XIAP: variants seen among roughly 807,000 people sequenced by gnomAD.
The protein encoded by XIAP is E3 ubiquitin-protein ligase XIAP.
A neutral mutation model predicts 33.1 loss-of-function variants in XIAP; 3 were observed. The ratio of observed to expected loss-of-function variants is 0.09; its 90% confidence interval spans 0.04 to 0.23. XIAP has a LOEUF of 0.23. Among genes scored for constraint, XIAP ranks in the 10% least tolerant of loss-of-function variants. The pLI is 1.00. For missense variants in XIAP, 264 were observed against 363.0 expected, an observed-to-expected ratio of 0.73 and a Z score of 2.22; for synonymous variants, 98 against 121.3, an observed-to-expected ratio of 0.81 and a Z score of 1.26.
At chrX:123,894,396 G>A (rs765212566) in intron 5 of XIAP, among the ~76,000 whole-genome samples, 1 of 112,420 alleles carries the variant, frequency 8.9e-6, no homozygotes, top group Admixed American at 9.5e-5. Flanking sequence ...TATTTCAAAA[G>A]TAGTAGAAAG....
intron 1 of XIAP, among the ~76,000 whole-genome samples, chrX:123,877,739 T>C (rs1282703023): frequency 2.7e-5 from 3 of 111,219 alleles, no homozygotes; most frequent in Non-Finnish European, 5.7e-5. Context: ...TTTGGGAGGC[T>C]GAGGCGGGTG....
At chrX:123,893,672 C>G (rs2148098889) in intron 5 of XIAP, among the ~76,000 whole-genome samples, 1 of 111,817 alleles carries the variant, frequency 8.9e-6, no homozygotes, top group Non-Finnish European at 1.9e-5. Flanking sequence ...GAAACCCCAT[C>G]TCTACTAAAA....
At chrX:123,906,162 T>A (rs1026125048) in intron 6 of XIAP, among the ~76,000 whole-genome samples, 4 of 112,688 alleles carry the variant, frequency 3.5e-5, no homozygotes, top group African/African-American at 9.7e-5. Flanking sequence ...ATGAAACACA[T>A]GTTTTGTGGC....
At chrX:123,906,887 GTTGGGTGC>G in intron 6 of XIAP, 93 bp from the exon 7 acceptor site, 1 of 1,004,531 alleles carries the variant, frequency 1.0e-6, no homozygotes, top group Admixed American at 2.4e-5. Flanking sequence ...CCCGGCACTT[GTTGGGTGC>G]TTGGCACGTA....
At chrX:123,900,429 G>C (rs1162735800) in intron 5 of XIAP, 64 bp from the exon 6 acceptor site, 32 of 991,696 alleles carry the variant, frequency 3.2e-5, no homozygotes, top group Non-Finnish European at 4.5e-5. Flanking sequence ...TTGCTATTGA[G>C]TTGTGATAAT....
chrX:123,910,063 C>G lies in XIAP; in HGVS notation c.*2882C>G. On this transcript the variant is annotated 3_prime_UTR_variant, in exon 7 of 7. Coordinates refer to ENST00000371199, the MANE Select transcript of XIAP (RefSeq NM_001167.4). Reference sequence around the variant, plus strand: ...GTCACCACTTATTTTACATTTTAGTCATGCAAAGATTCAAGTAGTTTTGCA... The same window carrying G: ...GTCACCACTTATTTTACATTTTAGTGATGCAAAGATTCAAGTAGTTTTGCA... 1 of 328,541 alleles carries G rather than the reference C, an allele frequency of 3.0e-6. No individual in the cohort carries two copies. The highest frequency in any genetic ancestry group is 5.9e-6 in the Non-Finnish European group (1 of 169,628). The allele number at this position is 328,541 out of a possible 1,213,427, so 27.1% of individuals were successfully genotyped here. A position where few individuals can be genotyped will look rare whatever the true frequency, so the allele number is the denominator to read the frequency against.
intron 5 of XIAP, among the ~76,000 whole-genome samples, chrX:123,894,807 G>T (rs1306152677): frequency 1.8e-5 from 2 of 109,040 alleles, no homozygotes; most frequent in Non-Finnish European, 3.8e-5. Flanking sequence ...ACCAGGGCGT[G>T]GTGGCACACA....
chrX:123,886,680 G>A (rs763721759), intron 2 of XIAP, 141 bp downstream of exon 2: 4 of 641,137 alleles, frequency 6.2e-6, no homozygotes, highest in South Asian at 6.1e-5. Context: ...GTATTATTCC[G>A]TGAACTCTTA....
In XIAP at chrX:123,900,563, G is replaced by C; in HGVS notation, c.1170G>C (p.Lys390Asn). The C allele has an allele frequency of 8.3e-7, 1 of 1,210,827 alleles. No homozygotes were observed. Among genetic ancestry groups the C allele is most frequent in the Non-Finnish European group, 1.1e-6 (1 of 894,828 alleles). The stretch of plus-strand genomic sequence containing the variant: ...TGGGGTTCAGTTTCAAGGACATTAA[G>C]AAAATAATGGAGGAAAAAATTCAGA... ...IRMGFSFKDI[K>N]KIMEEKIQIS... The change falls in exon 6 of 7, where the codon AAG (lysine) becomes AAC (asparagine). Residue 390 changes from lysine (K) to asparagine (N), a missense_variant. Lys to Asn is a moderately conservative substitution (Grantham distance 94). Transcript: ENST00000371199.
At chrX:123,883,785 C>T (rs1467280472) in intron 1 of XIAP, among the ~76,000 whole-genome samples, 1 of 111,344 alleles carries the variant, frequency 9.0e-6, no homozygotes, top group Non-Finnish European at 1.9e-5. Flanking sequence ...TGTGAACCAC[C>T]ATGCCCGGCT....
chrX:123,905,029 C>T (rs747560307), intron 6 of XIAP, among the ~76,000 whole-genome samples: 5 of 111,952 alleles, frequency 4.5e-5, no homozygotes, highest in East Asian at 5.6e-4. Context: ...ATCTCTGATG[C>T]ATTCCATGTT....
intron 1 of XIAP, among the ~76,000 whole-genome samples, chrX:123,867,519 A>G (rs1459382453): frequency 1.6e-4 from 17 of 107,166 alleles, no homozygotes; most frequent in African/African-American, 5.8e-4. Context: ...GATTATAGAC[A>G]TGTGCTACCA....
rs747441224 is a variant in XIAP, at chrX:123,913,959, A to G, written c.*6778A>G. On this transcript the variant is annotated 3_prime_UTR_variant, in exon 7 of 7. Coordinates refer to ENST00000371199, the MANE Select transcript of XIAP (RefSeq NM_001167.4). Reference sequence around the variant, plus strand: ...AATAAAACGTATTCAATAAAATACTATTCTTTAAAATTATATCATACTACC... The same window carrying G: ...AATAAAACGTATTCAATAAAATACTGTTCTTTAAAATTATATCATACTACC... The G allele has an allele frequency of 3.7e-5, 11 of 296,400 alleles. No homozygotes were observed. The highest frequency in any genetic ancestry group is 1.1e-4 in the African/African-American group (4 of 36,112). 24.4% of individuals were successfully genotyped at this position (296,400 alleles called of 1,213,427 possible).
chrX:123,886,366 T>C lies in XIAP; in HGVS notation c.704T>C (p.Leu235Pro). The C allele has an allele frequency of 8.3e-7, 1 of 1,211,997 alleles. No individual in the cohort carries two copies. The highest frequency in any genetic ancestry group is 1.8e-5 in the South Asian group (1 of 57,018). Residue 235 changes from leucine to proline, a missense_variant, in exon 2 of 7, where the codon CTT becomes CCT. Leu to Pro is a moderately conservative substitution (Grantham distance 98). Coordinates refer to ENST00000371199, the MANE Select transcript of XIAP (RefSeq NM_001167.4). ...PNCFFVLGRN[L>P]NIRSESDAVS... Reference sequence around the variant, plus strand: ...TGCTTCTTTGTTTTGGGCCGGAATCTTAATATTCGAAGTGAATCTGATGCT... The same window carrying C: ...TGCTTCTTTGTTTTGGGCCGGAATCCTAATATTCGAAGTGAATCTGATGCT...
At chrX:123,884,212 G>A (rs1019668240) in intron 1 of XIAP, among the ~76,000 whole-genome samples, 3 of 111,890 alleles carry the variant, frequency 2.7e-5, no homozygotes, top group Admixed American at 9.6e-5. Flanking sequence ...GGCAGGGCGC[G>A]GTGGCTCACG....
rs192541895 is a variant in XIAP, at chrX:123,869,280, C to T, written c.-33+8987C>T. The stretch of plus-strand genomic sequence containing the variant: ...CTGAAATCCCAGCACTTTGGGTGGC[C>T]GAGGCAGGTGGATCACTTGAGGTCA... On this transcript the variant is annotated intron_variant, in intron 1 of 6. Transcript: ENST00000371199. 1.7e-3 allele frequency among the ~76,000 whole-genome samples: 172 copies of T among 102,039 alleles called. 1 individual carries two copies. The Admixed American group carries it at 0.017, about 10-fold the overall frequency. 88.6% of individuals were successfully genotyped at this position (102,039 alleles called of 115,157 possible).
At chrX:123,890,120 C>G (rs1416213974) in intron 3 of XIAP, among the ~76,000 whole-genome samples, 1 of 91,239 alleles carries the variant, frequency 1.1e-5, no homozygotes, top group Non-Finnish European at 2.1e-5. Context: ...GGGTTCACGC[C>G]ATTCTCCTGC....
At position 123,912,762 on chromosome X, in the gene XIAP, G is replaced by T. The variant is rs781181129; in HGVS notation, c.*5581G>T. On this transcript the variant is annotated 3_prime_UTR_variant, in exon 7 of 7. Coordinates refer to ENST00000371199, the MANE Select transcript of XIAP (RefSeq NM_001167.4). ...TGCAATGGCACAATCTTGGCTCATGGCAAACTCTGCCTCGCAAGCAGCTGG... is the reference window on the plus strand; with the variant it reads ...TGCAATGGCACAATCTTGGCTCATGTCAAACTCTGCCTCGCAAGCAGCTGG... 17 of 324,766 alleles carry T rather than the reference G, an allele frequency of 5.2e-5. No individual in the cohort carries two copies. The highest frequency in any genetic ancestry group is 4.5e-4 in the South Asian group (17 of 37,878). The allele number at this position is 324,766 out of a possible 1,213,427, so 26.8% of individuals were successfully genotyped here. A position where few individuals can be genotyped will look rare whatever the true frequency, so the allele number is the denominator to read the frequency against.
chrX:123,864,284 C>T (rs1301243274), intron 1 of XIAP, among the ~76,000 whole-genome samples: 1 of 95,785 alleles, frequency 1.0e-5, no homozygotes, highest in Non-Finnish European at 2.1e-5. Flanking sequence ...AATGATATTT[C>T]ACTGTTTTTG....
Sources: allele counts gnomAD v4.1 joint callset (sites outside exome capture counted in the v4.1 genomes callset), GRCh38; gene constraint gnomAD v4.1.1; transcripts MANE v1.5; gene names NCBI Gene and HGNC (gene_info 2026-07-23, HGNC 2026-07-21).